PTPA: variants seen among roughly 807,000 people sequenced by gnomAD.
PTPA encodes protein phosphatase 2 phosphatase activator.
PTPA carries 13 observed loss-of-function variants against 43.6 expected under a neutral mutation model. The observed-to-expected ratio is 0.30, with a 90% CI of 0.19 to 0.47. The LOEUF (loss-of-function observed/expected upper bound fraction) is 0.47, where lower values mean the gene tolerates loss of function less well. Among genes scored for constraint, PTPA ranks in the 20% least tolerant of loss-of-function variants. PTPA has a pLI of 0.99. For missense variants in PTPA, 329 were observed against 411.9 expected (o/e 0.80, Z 1.74); for synonymous variants, 172 against 158.2 (o/e 1.09, Z -0.66).
intron 8 of PTPA, chr9:129,139,905 C>T (rs1206562568): frequency 6.6e-6 from 1 of 152,156 alleles, no homozygotes; most frequent in Non-Finnish European, 1.5e-5. Context: ...TCTACAGCCT[C>T]TGTAAATGCA....
intron 9 of PTPA, among the ~76,000 whole-genome samples, chr9:129,146,276 C>T (rs1032172227): frequency 1.3e-5 from 2 of 152,152 alleles, no homozygotes; most frequent in African/African-American, 4.8e-5. Flanking sequence ...GTGGCCAGGG[C>T]TCTGCTCCCC....
chr9:129,143,696 T>C (rs1290472854), intron 9 of PTPA: 6 of 439,744 alleles, frequency 1.4e-5, no homozygotes, highest in Non-Finnish European at 2.5e-5. Flanking sequence ...CCTCACATCC[T>C]GTGTTTAGGT....
At chr9:129,123,636 T>C (rs1310840017) in intron 3 of PTPA, among the ~76,000 whole-genome samples, 2 of 152,276 alleles carry the variant, frequency 1.3e-5, no homozygotes, top group East Asian at 3.9e-4. Context: ...GAGATCAAGG[T>C]AAATATGCTG....
At chr9:129,121,291 G>A (rs780802890) in intron 2 of PTPA, among the ~76,000 whole-genome samples, 6 of 152,224 alleles carry the variant, frequency 3.9e-5, no homozygotes, top group Admixed American at 1.3e-4. Context: ...GGGCACAGGG[G>A]TCCTTGCATG....
intron 9 of PTPA, chr9:129,142,876 G>T: frequency 2.0e-6 from 3 of 1,510,152 alleles, no homozygotes; most frequent in Non-Finnish European, 2.7e-6. Context: ...GTGGCCAAAG[G>T]CTCCTCAAAG....
rs17459333 is a variant in PTPA, at chr9:129,142,940, C to G, written c.894+388C>G. On this transcript the variant is annotated intron_variant, in intron 9 of 9. Coordinates refer to ENST00000393370, the MANE Select transcript of PTPA (RefSeq NM_178000.3). ...TGGCATACCTGGGAAGGGTCTTACC[C>G]TTTGGAGGCATCTCCAAAGTGCTGC... The G allele has an allele frequency of 3.3e-5, 47 of 1,434,082 alleles. No homozygotes were observed. The East Asian group carries it at 6.3e-4, about 19-fold the overall frequency. The allele number at this position is 1,434,082 out of a possible 1,614,324, so 88.8% of individuals were successfully genotyped here. A position where few individuals can be genotyped will look rare whatever the true frequency, so the allele number is the denominator to read the frequency against.
chr9:129,141,458 T>C (rs1030713103), intron 8 of PTPA, among the ~76,000 whole-genome samples: 1 of 152,212 alleles, frequency 6.6e-6, no homozygotes, highest in Non-Finnish European at 1.5e-5. Flanking sequence ...TACAGAGCCC[T>C]GTTCCCCTGT....
intron 9 of PTPA, among the ~76,000 whole-genome samples, chr9:129,146,145 T>A (rs1327324409): frequency 6.6e-6 from 1 of 152,046 alleles, no homozygotes; most frequent in Non-Finnish European, 1.5e-5. Flanking sequence ...TGGGATGACA[T>A]AAGCACCATG....
At chr9:129,127,995 A>T in intron 3 of PTPA, 1 of 1,344,618 alleles carries the variant, frequency 7.4e-7, no homozygotes, top group Non-Finnish European at 9.9e-7. Flanking sequence ...GAAAAGGAGC[A>T]GGCTGCAAAG....
chr9:129,120,738 G>A (rs926009200), intron 2 of PTPA, 128 bp downstream of exon 2: 2 of 738,818 alleles, frequency 2.7e-6, no homozygotes, highest in African/African-American at 3.6e-5. Flanking sequence ...AGGGAGAAAG[G>A]TGACAGGGGA....
At chr9:129,138,289 G>C (rs1306587184) in intron 8 of PTPA, among the ~76,000 whole-genome samples, 1 of 152,226 alleles carries the variant, frequency 6.6e-6, no homozygotes, top group Non-Finnish European at 1.5e-5. Flanking sequence ...ACCAAGGCAG[G>C]ATTCCTTGCA....
intron 9 of PTPA, among the ~76,000 whole-genome samples, chr9:129,147,185 C>G (rs78685670): frequency 1.1e-5 from 1 of 88,406 alleles, no homozygotes; most frequent in African/African-American, 4.1e-5. Context: ...TTTTCTCTTT[C>G]TCTCTCTCGT....
At chr9:129,141,526 A>G (rs1210889942) in intron 8 of PTPA, 2 of 152,322 alleles carry the variant, frequency 1.3e-5, no homozygotes, top group Non-Finnish European at 2.9e-5. Flanking sequence ...TGCTTGGTTA[A>G]TAAATACAAA....
intron 9 of PTPA, among the ~76,000 whole-genome samples, chr9:129,144,620 TCCC>T (rs2131631801): frequency 6.6e-6 from 1 of 150,918 alleles, no homozygotes; most frequent in Non-Finnish European, 1.5e-5. Context: ...GTGCCTGTAG[TCCC>T]AGCTACTCGG....
chr9:129,142,769 C>T, intron 9 of PTPA: 1 of 1,536,298 alleles, frequency 6.5e-7, no homozygotes. Flanking sequence ...CCCCGAAAAG[C>T]TGCAGTCCAG....
chr9:129,141,172 A>G (rs919956440), intron 8 of PTPA, among the ~76,000 whole-genome samples: 4 of 152,090 alleles, frequency 2.6e-5, no homozygotes, highest in South Asian at 2.1e-4. Context: ...TTAAATCTTA[A>G]AAGTTTTGTC....
At chr9:129,116,905 G>T (rs1848915451) in intron 1 of PTPA, among the ~76,000 whole-genome samples, 1 of 151,958 alleles carries the variant, frequency 6.6e-6, no homozygotes, top group Non-Finnish European at 1.5e-5. Context: ...GGGCTCAAGC[G>T]ATCCTGCCGC....
chr9:129,131,692 TTGGGCTTCAGGTGGTCTC>T, intron 5 of PTPA, 53 bp downstream of exon 5: 1 of 1,564,988 alleles, frequency 6.4e-7, no homozygotes, highest in Admixed American at 1.7e-5. Context: ...GCTTTCTGTT[TTGGGCTTCAGGTGGTCTC>T]TGGGCCCTCT....
intron 1 of PTPA, among the ~76,000 whole-genome samples, chr9:129,118,679 A>AT (rs972688732): frequency 4.0e-4 from 58 of 146,440 alleles, no homozygotes; most frequent in Middle Eastern, 3.6e-3. Flanking sequence ...CCCGCCTAAA[A>AT]TTTTTTTTTT....
Sources: gnomAD v4.1 joint callset for allele counts (sites outside exome capture counted in the v4.1 genomes callset) on GRCh38, gnomAD v4.1.1 for gene constraint, MANE v1.5 for transcripts, NCBI Gene and HGNC (gene_info 2026-07-23, HGNC 2026-07-21) for gene names.